The following MEIG1 variants were observed in gnomAD, a reference collection of about 807,000 sequenced individuals.
MEIG1 encodes the protein meiosis/spermiogenesis associated 1.
MEIG1 carries 12 observed loss-of-function variants against 11.3 expected under a neutral mutation model. That is an observed-to-expected ratio of 1.07 (90% CI 0.68 to 1.73). The LOEUF (loss-of-function observed/expected upper bound fraction) is 1.73, where lower values mean the gene tolerates loss of function less well. MEIG1 is among the 40% of genes most tolerant of loss of function. The pLI is 0.00. For synonymous variants in MEIG1, 41 were observed against 33.2 expected (o/e 1.24, Z -0.81); for missense variants, 119 against 104.9 (o/e 1.13, Z -0.59).
chr10:14,985,483 G>T (rs1429992520), intron 1 of MEIG1, among the ~76,000 whole-genome samples: 2 of 151,946 alleles, frequency 1.3e-5, no homozygotes, highest in Non-Finnish European at 2.9e-5. Context: ...ATATCCAAGG[G>T]AGATGTTATT....
downstream of MEIG1, among the ~76,000 whole-genome samples, chr10:14,973,532 G>A (rs1253747793): frequency 3.6e-4 from 55 of 152,118 alleles, no homozygotes; most frequent in Admixed American, 3.6e-3. Flanking sequence ...CACTTTGGGA[G>A]GCCGAGGAGG....
At chr10:14,963,599 G>A (rs984312520) in intron 1 of MEIG1, among the ~76,000 whole-genome samples, 1 of 152,136 alleles carries the variant, frequency 6.6e-6, no homozygotes, top group African/African-American at 2.4e-5. Context: ...GGCATTAAAG[G>A]ACAAAGGTTT....
At chr10:14,970,620 A>G (rs1023197071) in intron 2 of MEIG1, 2 of 152,260 alleles carry the variant, frequency 1.3e-5, no homozygotes, top group African/African-American at 4.8e-5. Flanking sequence ...TGTATGTCAG[A>G]AGGCCTGCCA....
intron 1 of MEIG1, among the ~76,000 whole-genome samples, chr10:14,982,280 A>G (rs1488390278): frequency 1.3e-5 from 2 of 152,008 alleles, no homozygotes; most frequent in Non-Finnish European, 2.9e-5. Context: ...TAGCCTTTGC[A>G]TATCCTCTCT....
At position 14,972,650 on chromosome 10, in the gene MEIG1, C is replaced by A. The variant is rs113595474; in HGVS notation, c.*9C>A. On this transcript the variant is annotated 3_prime_UTR_variant, in exon 3 of 3. Transcript: ENST00000407572. ...AAATTTATGCTTACTAGCCTGTCTTCTTTGTATTACTTGTCAATTATATTT... is the reference window on the plus strand; with the variant it reads ...AAATTTATGCTTACTAGCCTGTCTTATTTGTATTACTTGTCAATTATATTT... 46 of 1,580,414 alleles carry A rather than the reference C, an allele frequency of 2.9e-5. 1 individual carries two copies. The highest frequency in any genetic ancestry group is 2.7e-4 in the African/African-American group (20 of 73,204).
chr10:14,956,359 A>G (rs904757235), upstream of MEIG1, among the ~76,000 whole-genome samples: 2 of 151,982 alleles, frequency 1.3e-5, no homozygotes, highest in Non-Finnish European at 2.9e-5. Context: ...CAGGTGGATC[A>G]CCCGAGGTCA....
intron 1 of MEIG1, among the ~76,000 whole-genome samples, chr10:14,981,921 C>CA (rs377550831): frequency 1.5e-3 from 222 of 152,292 alleles, no homozygotes; most frequent in African/African-American, 5.1e-3. Context: ...GCCTGACCTC[C>CA]ATTCTCTTTG....
intron 1 of MEIG1, among the ~76,000 whole-genome samples, chr10:14,960,075 G>A (rs1842994884): frequency 6.6e-6 from 1 of 152,190 alleles, no homozygotes; most frequent in African/African-American, 2.4e-5. Context: ...TCTTTCAAAT[G>A]AACGCCCAGC....
At chr10:14,982,474 G>T (rs1237423430) in intron 1 of MEIG1, among the ~76,000 whole-genome samples, 2 of 152,186 alleles carry the variant, frequency 1.3e-5, no homozygotes, top group East Asian at 3.8e-4. Flanking sequence ...AGGTGTGGTT[G>T]TGGGTCTGGA....
chr10:14,954,634 T>C (rs1193327528), upstream of MEIG1, among the ~76,000 whole-genome samples: 1 of 152,170 alleles, frequency 6.6e-6, no homozygotes, highest in African/African-American at 2.4e-5. Flanking sequence ...CTGCGTGATC[T>C]TGGGGCAAAT....
intron 2 of MEIG1, among the ~76,000 whole-genome samples, chr10:14,967,176 G>A (rs542708268): frequency 2.3e-4 from 27 of 116,144 alleles, no homozygotes; most frequent in Non-Finnish European, 4.2e-4. Context: ...AATCTTTTGC[G>A]GTAGACCACA....
In MEIG1 at chr10:14,959,822, C is replaced by T. The variant is rs188582780; in HGVS notation, c.-30+265C>T. On this transcript the variant is annotated intron_variant, in intron 1 of 2. Transcript: ENST00000407572. ...CCCCGGACCCCATTGGCTTTAGGGGCCGCGTCTCCGAGGGCTCCGATTTGG... is the reference window on the plus strand; with the variant it reads ...CCCCGGACCCCATTGGCTTTAGGGGTCGCGTCTCCGAGGGCTCCGATTTGG... 1.5e-4 allele frequency among the ~76,000 whole-genome samples: 23 copies of T among 152,370 alleles called. No individual in the cohort carries two copies. In the East Asian group the frequency reaches 4.1e-3, roughly 27 times the overall value.
At chr10:14,955,010 C>CA (rs1259105010), upstream of MEIG1, among the ~76,000 whole-genome samples, 1 of 152,222 alleles carries the variant, frequency 6.6e-6, no homozygotes, top group East Asian at 1.9e-4. Context: ...CGGCTCTCTG[C>CA]AACCTCCGCC....
downstream of MEIG1, among the ~76,000 whole-genome samples, chr10:14,976,586 ACT>A (rs566904858): frequency 2.5e-3 from 380 of 152,010 alleles, 1 homozygote; most frequent in African/African-American, 8.8e-3. Context: ...GAGGGTGTAC[ACT>A]CTGTGATATT....
chr10:14,987,069 G>A (rs1194148645), intron 2 of MEIG1: 23 of 625,360 alleles, frequency 3.7e-5, no homozygotes, highest in South Asian at 1.2e-4. Flanking sequence ...CTACAAAGCC[G>A]TCATAGGCCA....
chr10:14,958,922 A>C (rs965522515), upstream of MEIG1, among the ~76,000 whole-genome samples: 2 of 152,108 alleles, frequency 1.3e-5, no homozygotes, highest in Non-Finnish European at 2.9e-5. Context: ...AAAAAACAAA[A>C]AACCGTATAT....
downstream of MEIG1, among the ~76,000 whole-genome samples, chr10:14,977,278 A>G (rs1443104835): frequency 2.0e-5 from 3 of 151,856 alleles, no homozygotes; most frequent in Admixed American, 6.6e-5. Flanking sequence ...TGTACACCCC[A>G]TGTTATTATT....
At chr10:14,987,441 C>T in intron 2 of MEIG1, 1 of 720,062 alleles carries the variant, frequency 1.4e-6, no homozygotes, top group South Asian at 1.5e-5. Context: ...TTCCGTGGCT[C>T]TGTGTGTCTT....
At chr10:14,985,981 C>A (rs1843314713) in intron 1 of MEIG1, among the ~76,000 whole-genome samples, 1 of 151,808 alleles carries the variant, frequency 6.6e-6, no homozygotes, top group Non-Finnish European at 1.5e-5. Context: ...GTGTGCACAC[C>A]CTGTGATATT....
Sources: allele counts gnomAD v4.1 joint callset (sites outside exome capture counted in the v4.1 genomes callset), GRCh38; gene constraint gnomAD v4.1.1; transcripts MANE v1.5; gene names NCBI Gene and HGNC (gene_info 2026-07-23, HGNC 2026-07-21).